Variants in PCSK9 observed in about 807,000 individuals in gnomAD.
PCSK9 encodes the protein proprotein convertase subtilisin/kexin type 9, also known as convertase subtilisin/kexin type 9 preproprotein.
A neutral mutation model predicts 62.1 loss-of-function variants in PCSK9; 57 were observed. The observed-to-expected ratio is 0.92, with a 90% CI of 0.74 to 1.14. The LOEUF is 1.14. Among genes scored for constraint, PCSK9 ranks in the 50% most tolerant of loss-of-function variants. PCSK9 has a pLI of 0.00. For missense variants in PCSK9, 870 were observed against 959.8 expected, an observed-to-expected ratio of 0.91 and a Z score of 1.24; for synonymous variants, 387 against 409.4, an observed-to-expected ratio of 0.95 and a Z score of 0.66.
chr1:55,049,856 G>A (rs1644660639), intron 3 of PCSK9, among the ~76,000 whole-genome samples: 1 of 152,216 alleles, frequency 6.6e-6, no homozygotes, highest in Admixed American at 6.5e-5. Context: ...CCCAGGGATG[G>A]GACCCCACAG....
At position 55,039,948 on chromosome 1, in the gene PCSK9, C is replaced by T. The variant is rs1210705445; in HGVS notation, c.111C>T (p.Asp37=). Residue 37 remains aspartate, a synonymous_variant, in exon 1 of 12, where the codon GAC becomes GAT. Coordinates refer to ENST00000302118, the MANE Select transcript of PCSK9 (RefSeq NM_174936.4). ...GTGCGCAGGAGGACGAGGACGGCGA[C>T]TACGAGGAGCTGGTGCTAGCCTTGC... ...GARAQEDEDG[D]YEELVLALRS... The T allele has an allele frequency of 6.3e-7, 1 of 1,574,908 alleles. No individual in the cohort carries two copies. Among genetic ancestry groups the T allele is most frequent in the Non-Finnish European group, 8.6e-7 (1 of 1,161,454 alleles).
At chr1:55,051,931 T>C (rs1644676725) in intron 3 of PCSK9, 1 of 364,482 alleles carries the variant, frequency 2.7e-6, no homozygotes, top group African/African-American at 2.1e-5. Context: ...AAGGCTATAA[T>C]AGGGGCTTTA....
chr1:55,046,769 C>A (rs1198303783), intron 3 of PCSK9, 123 bp downstream of exon 3: 3 of 1,136,348 alleles, frequency 2.6e-6, no homozygotes, highest in African/African-American at 3.1e-5. Flanking sequence ...AGCACCTCCA[C>A]TGACCCCTTT....
At chr1:55,059,692 G>A (rs1195186843) in intron 10 of PCSK9, 29 bp downstream of exon 10, 1 of 1,546,678 alleles carries the variant, frequency 6.5e-7, no homozygotes, top group African/African-American at 1.4e-5. Context: ...CCTGGGGTGA[G>A]GAGGGGTCTC....
At chr1:55,052,487 C>G (rs11806638) in intron 4 of PCSK9, 76 bp downstream of exon 4, 3 of 1,606,720 alleles carry the variant, frequency 1.9e-6, no homozygotes, top group African/African-American at 2.7e-5. Context: ...ACTGCCACCC[C>G]AGAGCGTTGC....
chr1:55,056,729 C>T (rs1284086851), intron 6 of PCSK9, among the ~76,000 whole-genome samples: 1 of 152,176 alleles, frequency 6.6e-6, no homozygotes, highest in Non-Finnish European at 1.5e-5. Context: ...AGACACGGAG[C>T]CTCGGCCCTG....
At chr1:55,055,480 G>A (rs1239007379) in intron 5 of PCSK9, among the ~76,000 whole-genome samples, 1 of 152,202 alleles carries the variant, frequency 6.6e-6, no homozygotes, top group East Asian at 1.9e-4. Flanking sequence ...AGAAGGGCCC[G>A]GGGTTGGCTA....
At chr1:55,042,816 T>C (rs1644606658) in intron 1 of PCSK9, among the ~76,000 whole-genome samples, 1 of 152,222 alleles carries the variant, frequency 6.6e-6, no homozygotes, top group African/African-American at 2.4e-5. Context: ...AATTTGGTCC[T>C]CAGTGTTGGA....
In PCSK9 at chr1:55,059,614, C is replaced by T; in HGVS notation, c.1632C>T (p.Ala544=). ...TCCACACAGCTCCACCAGCTGAGGCCAGCATGGGGACCCGTGTCCACTGCC... is the reference window on the plus strand; with the variant it reads ...TCCACACAGCTCCACCAGCTGAGGCTAGCATGGGGACCCGTGTCCACTGCC... ...CSVHTAPPAE[A]SMGTRVHCHQ... Residue 544 remains alanine, a synonymous_variant, in exon 10 of 12, where the codon GCC becomes GCT. Transcript: ENST00000302118. The T allele has an allele frequency of 6.4e-7, 1 of 1,552,464 alleles. No individual in the cohort carries two copies. The highest frequency in any genetic ancestry group is 1.7e-4 in the Middle Eastern group (1 of 5,864).
Position 55,040,319 on chromosome 1 carries a change from A to C in PCSK9, c.207+275A>C, listed in dbSNP as rs1334534180. Among the ~76,000 whole-genome samples, 6 of 152,092 alleles carry C rather than the reference A, an allele frequency of 3.9e-5. No homozygotes were observed. In the South Asian group the frequency reaches 8.3e-4, roughly 21 times the overall value. Reference sequence around the variant, plus strand: ...CAGTGGGAAGGTTCGCGGGGTTGGGAGACCCGGAGGCCGAGGAAGGGCGAG... The same window carrying C: ...CAGTGGGAAGGTTCGCGGGGTTGGGCGACCCGGAGGCCGAGGAAGGGCGAG... On this transcript the variant is annotated intron_variant, in intron 1 of 11. Transcript: ENST00000302118. The surrounding 1 kb of genome is among the most constrained non-coding windows in gnomAD (Gnocchi z 4.1).
At position 55,052,675 on chromosome 1, in the gene PCSK9, C is replaced by T; in HGVS notation, c.683C>T (p.Thr228Ile). ...GCCAGCAAGTGTGACAGTCATGGCACCCACCTGGCAGGGGTGGTCAGCGGC... is the reference window on the plus strand; with the variant it reads ...GCCAGCAAGTGTGACAGTCATGGCATCCACCTGGCAGGGGTGGTCAGCGGC... The part of the protein sequence containing the change: ...RQASKCDSHG[T>I]HLAGVVSGRD... The change falls in exon 5 of 12, where the codon ACC becomes ATC. Residue 228 changes from threonine to isoleucine, a missense_variant. By Grantham distance (89) the Thr-to-Ile change is moderately conservative (BLOSUM62 -1). Transcript: ENST00000302118. 1 of 1,613,158 alleles carries T rather than the reference C, an allele frequency of 6.2e-7. No homozygotes were observed. The highest frequency in any genetic ancestry group is 8.5e-7 in the Non-Finnish European group (1 of 1,179,854).
intron 8 of PCSK9, 77 bp from the exon 9 acceptor site, chr1:55,058,422 C>T: frequency 6.2e-7 from 1 of 1,600,190 alleles, no homozygotes; most frequent in Middle Eastern, 2.3e-4. Flanking sequence ...CCTCCTCTCT[C>T]CTACCATGAA....
chr1:55,050,970 A>G (rs1040614377), intron 3 of PCSK9: 94 of 367,798 alleles, frequency 2.6e-4, no homozygotes, highest in Non-Finnish European at 5.4e-5. Context: ...TGACACACAC[A>G]GGAGGGGCCA....
In PCSK9 at chr1:55,057,493, C is replaced by G; in HGVS notation, c.1159C>G (p.Gln387Glu). The G allele has an allele frequency of 6.2e-7, 1 of 1,613,032 alleles. No individual in the cohort carries two copies. The change falls in exon 7 of 12, where the codon CAG becomes GAG. Residue 387 changes from glutamine (Q) to glutamate (E), a missense_variant. Transcript: ENST00000302118. ...TCFVSQSGTS[Q>E]AAAHVAGIAA... ...CTTTGTGTCACAGAGTGGGACATCA[C>G]AGGCTGCTGCCCACGTGGCTGGTAA...
chr1:55,063,435 G>T lies in PCSK9; in HGVS notation c.1930G>T (p.Val644Phe). ...CAGTGCCCTCCCTGGGACCTCCCAC[G>T]TCCTGGGGGCCTACGCCGTAGACAA... is the stretch of plus-strand genomic sequence containing the variant. ...GCSALPGTSH[V>F]LGAYAVDNTC... The change falls in exon 12 of 12, where the codon GTC becomes TTC. Residue 644 changes from valine to phenylalanine, a missense_variant. Val to Phe is a conservative substitution (Grantham distance 50). Transcript: ENST00000302118. 1 of 1,614,002 alleles carries T rather than the reference G, an allele frequency of 6.2e-7. No homozygotes were observed. The highest frequency in any genetic ancestry group is 8.5e-7 in the Non-Finnish European group (1 of 1,179,984).
intron 4 of PCSK9, 81 bp downstream of exon 4, chr1:55,052,492 C>T: frequency 3.7e-6 from 6 of 1,605,262 alleles, no homozygotes; most frequent in African/African-American, 2.7e-5. Context: ...CACCCCAGAG[C>T]GTTGCAGCTG....
chr1:55,046,755 A>G (rs1644638316), intron 3 of PCSK9, 109 bp downstream of exon 3: 1 of 1,310,972 alleles, frequency 7.6e-7, no homozygotes, highest in African/African-American at 1.5e-5. Flanking sequence ...GGGCTTTGGG[A>G]CTCAGCACCT....
intron 6 of PCSK9, 136 bp downstream of exon 6, chr1:55,056,325 G>A: frequency 1.9e-6 from 2 of 1,038,352 alleles, no homozygotes; most frequent in Non-Finnish European, 2.6e-6. Flanking sequence ...GAACCCTTCT[G>A]GCTTTGGAAG....
In PCSK9 at chr1:55,040,274, G is replaced by C. The variant is rs903529919; in HGVS notation, c.207+230G>C. ...CGGCCGGCTCTTTGGGGACTTGCTG[G>C]GGCGTGCGGCTGCGCTATTCAGTGG... is the stretch of plus-strand genomic sequence containing the variant. On this transcript the variant is annotated intron_variant, in intron 1 of 11. Transcript: ENST00000302118. The surrounding 1 kb of genome is among the most constrained non-coding windows in gnomAD (Gnocchi z 4.1). Among the ~76,000 whole-genome samples the C allele has an allele frequency of 6.6e-6, 1 of 152,216 alleles. No individual in the cohort carries two copies. The highest frequency in any genetic ancestry group is 2.4e-5 in the African/African-American group (1 of 41,452).
Sources: allele counts gnomAD v4.1 joint callset (sites outside exome capture counted in the v4.1 genomes callset), GRCh38; gene constraint gnomAD v4.1.1; non-coding constraint Gnocchi (gnomAD v3.1); transcripts MANE v1.5; gene names NCBI Gene and HGNC (gene_info 2026-07-23, HGNC 2026-07-21).